The following VWA2 variants were observed in gnomAD, a reference collection of about 807,000 sequenced individuals.
The protein encoded by VWA2 is von Willebrand factor A domain containing 2, also known as von Willebrand factor A domain-containing protein 2.
VWA2 carries 73 observed loss-of-function variants against 70.4 expected under a neutral mutation model. That is an observed-to-expected ratio of 1.04 (90% CI 0.86 to 1.26). The LOEUF (loss-of-function observed/expected upper bound fraction) is 1.26. VWA2 is among the 50% of genes most tolerant of loss of function. The pLI, the probability that VWA2 is intolerant of heterozygous loss-of-function variation, is 0.00. For synonymous variants in VWA2, 407 were observed against 423.3 expected, an observed-to-expected ratio of 0.96 and a Z score of 0.47; for missense variants, 1,011 against 998.5, an observed-to-expected ratio of 1.01 and a Z score of -0.17.
intron 5 of VWA2, among the ~76,000 whole-genome samples, chr10:114,263,281 C>G (rs1366784164): frequency 6.7e-6 from 1 of 149,804 alleles, no homozygotes; most frequent in African/African-American, 2.5e-5. Context: ...TCCCAAGGTG[C>G]TGGGATTACA....
chr10:114,275,106 A>G (rs1339803960), intron 6 of VWA2, among the ~76,000 whole-genome samples: 2 of 152,108 alleles, frequency 1.3e-5, no homozygotes, highest in East Asian at 1.9e-4. Flanking sequence ...TAAATCTGAT[A>G]TAAGGTCACC....
At chr10:114,255,194 C>G in intron 4 of VWA2, 146 bp downstream of exon 4, 1 of 952,656 alleles carries the variant, frequency 1.0e-6, no homozygotes, top group Admixed American at 2.4e-5. Context: ...ATGGTGGGAT[C>G]CAAGGGCTGA....
rs184116975 is a variant in VWA2 at position 114,248,393 on chromosome 10, G to A, written c.-10-311G>A. Among the ~76,000 whole-genome samples the A allele has an allele frequency of 2.9e-3, 448 of 152,324 alleles. 5 individuals carry two copies. The highest frequency in any genetic ancestry group is 0.014 in the Middle Eastern group (4 of 294). ...CAGGGCCCAGGCAGAGCCAACACCCGGGCCTCTTAACTCTGGGGAGAGCAG... is the reference window on the plus strand; with the variant it reads ...CAGGGCCCAGGCAGAGCCAACACCCAGGCCTCTTAACTCTGGGGAGAGCAG... On this transcript the variant is annotated intron_variant, in intron 1 of 13. Transcript: ENST00000392982.
intron 4 of VWA2, among the ~76,000 whole-genome samples, chr10:114,260,902 G>A (rs12245961): frequency 2.0e-5 from 3 of 152,208 alleles, no homozygotes; most frequent in African/African-American, 7.2e-5. Context: ...CACAAGCTCA[G>A]CTGAGAACAC....
chr10:114,261,947 G>A (rs565687626), intron 5 of VWA2, among the ~76,000 whole-genome samples: 2 of 152,156 alleles, frequency 1.3e-5, no homozygotes, highest in African/African-American at 2.4e-5. Flanking sequence ...GAAGGCAAAG[G>A]TGGGGGGGCA....
intron 6 of VWA2, among the ~76,000 whole-genome samples, chr10:114,275,587 T>G (rs549022138): frequency 8.5e-4 from 129 of 152,136 alleles, no homozygotes; most frequent in South Asian, 3.7e-3. Flanking sequence ...GTTTTTTTGG[T>G]TTTTTTTCCC....
At chr10:114,259,036 T>C (rs1297482368) in intron 4 of VWA2, among the ~76,000 whole-genome samples, 1 of 152,226 alleles carries the variant, frequency 6.6e-6, no homozygotes, top group Non-Finnish European at 1.5e-5. Context: ...ATTTCACACA[T>C]ACGAGTAGGA....
intron 9 of VWA2, among the ~76,000 whole-genome samples, chr10:114,283,698 G>A (rs965130186): frequency 1.1e-4 from 16 of 152,230 alleles, no homozygotes; most frequent in African/African-American, 3.9e-4. Context: ...TTGTGACAAT[G>A]AAATGGGACC....
At position 114,291,778 on chromosome 10, in the gene VWA2, G is replaced by C. The variant is rs1315723487; in HGVS notation, c.*541G>C. ...GGATGCATTTGCATTGAGTCTGAAA[G>C]GGGGCTTGAGGGACGTTTGTGACTT... is the stretch of plus-strand genomic sequence containing the variant. On this transcript the variant is annotated 3_prime_UTR_variant, in exon 14 of 14. Coordinates refer to ENST00000392982, the MANE Select transcript of VWA2 (RefSeq NM_001272046.2). Among the ~76,000 whole-genome samples, 2 of 152,214 alleles carry C rather than the reference G, an allele frequency of 1.3e-5. No homozygotes were observed. Among genetic ancestry groups the C allele is most frequent in the African/African-American group, 4.8e-5 (2 of 41,460 alleles).
At chr10:114,254,829 C>A in intron 3 of VWA2, 86 bp from the exon 4 acceptor site, 1 of 1,558,894 alleles carries the variant, frequency 6.4e-7, no homozygotes, top group Non-Finnish European at 8.7e-7. Flanking sequence ...GCCTGGCCCA[C>A]CACAAGGCTG....
In VWA2 at chr10:114,282,536, C is replaced by T. The variant is rs1214512004; in HGVS notation, c.854C>T (p.Thr285Ile). Reference sequence around the variant, plus strand: ...TGTAGCTGGAAGAGAGTGTTCCTAACCCACCCTGCCACCTGCTACAGGACC... The same window carrying T: ...TGTAGCTGGAAGAGAGTGTTCCTAATCCACCCTGCCACCTGCTACAGGACC... ...PFYSWKRVFL[T>I]HPATCYRTTC... is the part of the protein sequence containing the mutation. Residue 285 changes from threonine to isoleucine, a missense_variant, in exon 9 of 14, where the codon ACC (threonine) becomes ATC (isoleucine). Thr to Ile is a moderately conservative substitution (Grantham distance 89, BLOSUM62 -1). Transcript: ENST00000392982. 2.5e-6 allele frequency: 4 copies of T among 1,614,080 alleles called. No individual in the cohort carries two copies. Among genetic ancestry groups the T allele is most frequent in the Admixed American group, 3.3e-5 (2 of 60,030 alleles).
chr10:114,242,608 G>A (rs1282621511), intron 1 of VWA2, among the ~76,000 whole-genome samples: 1 of 152,008 alleles, frequency 6.6e-6, no homozygotes, highest in African/African-American at 2.4e-5. Context: ...TGTGTACCAC[G>A]TGCCTCTGTG....
At chr10:114,255,853 G>C (rs769912575) in intron 4 of VWA2, among the ~76,000 whole-genome samples, 1 of 152,012 alleles carries the variant, frequency 6.6e-6, no homozygotes, top group Non-Finnish European at 1.5e-5. Context: ...AGGCCTTCAG[G>C]CATATGAAAA....
chr10:114,285,672 C>A (rs1430631470), intron 10 of VWA2, among the ~76,000 whole-genome samples: 1 of 152,212 alleles, frequency 6.6e-6, no homozygotes, highest in Non-Finnish European at 1.5e-5. Flanking sequence ...TCAGGACACA[C>A]ACAGGACTAA....
At chr10:114,261,813 A>G (rs1331622603) in intron 5 of VWA2, among the ~76,000 whole-genome samples, 1 of 152,226 alleles carries the variant, frequency 6.6e-6, no homozygotes, top group Non-Finnish European at 1.5e-5. Flanking sequence ...CTATAAAGAA[A>G]TACCTGAGGC....
At chr10:114,276,341 C>T (rs927884525) in intron 6 of VWA2, among the ~76,000 whole-genome samples, 1 of 152,320 alleles carries the variant, frequency 6.6e-6, no homozygotes, top group South Asian at 2.1e-4. Flanking sequence ...AGCCTGTGGC[C>T]CCACACCACT....
At chr10:114,261,963 A>C (rs2037453935) in intron 5 of VWA2, among the ~76,000 whole-genome samples, 1 of 152,174 alleles carries the variant, frequency 6.6e-6, no homozygotes, top group Non-Finnish European at 1.5e-5. Context: ...GGGCAGGTGC[A>C]TCACATGGCG....
intron 10 of VWA2, 33 bp downstream of exon 10, chr10:114,285,003 CT>C: frequency 6.6e-7 from 1 of 1,510,650 alleles, no homozygotes; most frequent in Non-Finnish European, 8.9e-7. Context: ...AGACTGACCA[CT>C]GGGGAGCAAG....
At chr10:114,264,985 G>A (rs564965434) in intron 5 of VWA2, among the ~76,000 whole-genome samples, 1 of 152,342 alleles carries the variant, frequency 6.6e-6, no homozygotes, top group South Asian at 2.1e-4. Context: ...CTCCCAAAGT[G>A]CTGGGATTAG....
Sources: allele counts gnomAD v4.1 joint callset (sites outside exome capture counted in the v4.1 genomes callset), GRCh38; gene constraint gnomAD v4.1.1; transcripts MANE v1.5; gene names NCBI Gene and HGNC (gene_info 2026-07-23, HGNC 2026-07-21).